Variants in MAN1A2 observed in about 807,000 individuals in gnomAD.
MAN1A2 encodes mannosidase alpha class 1A member 2.
A neutral mutation model predicts 75.7 loss-of-function variants in MAN1A2; 26 were observed. The observed-to-expected ratio is 0.34, with a 90% CI of 0.25 to 0.48. The LOEUF (loss-of-function observed/expected upper bound fraction) is 0.48, where lower values mean the gene tolerates loss of function less well. Ranked by LOEUF, MAN1A2 falls within the 20% of genes least tolerant of loss-of-function variation. MAN1A2 has a pLI of 0.99. For missense variants in MAN1A2, 562 were observed against 775.5 expected, an observed-to-expected ratio of 0.72 and a Z score of 3.27; for synonymous variants, 247 against 264.6, an observed-to-expected ratio of 0.93 and a Z score of 0.65.
chr1:117,512,750 TACACACACAC>T (rs3050979), intron 12 of MAN1A2, among the ~76,000 whole-genome samples: 26 of 143,854 alleles, frequency 1.8e-4, no homozygotes, highest in East Asian at 8.3e-4. Flanking sequence ...GGCACTGGGA[TACACACACAC>T]ACACACACAC....
chr1:117,465,827 C>T (rs1482543318), intron 7 of MAN1A2, among the ~76,000 whole-genome samples: 3 of 152,044 alleles, frequency 2.0e-5, no homozygotes, highest in Non-Finnish European at 4.4e-5. Context: ...ATTTCAGGAA[C>T]TTAAAGATAT....
At chr1:117,468,179 A>G (rs1650037288) in intron 8 of MAN1A2, among the ~76,000 whole-genome samples, 1 of 152,112 alleles carries the variant, frequency 6.6e-6, no homozygotes, top group African/African-American at 2.4e-5. Flanking sequence ...GGAAGCAAAC[A>G]CATCCTTCTT....
chr1:117,393,965 T>C (rs1042873127), intron 1 of MAN1A2, among the ~76,000 whole-genome samples: 2 of 152,202 alleles, frequency 1.3e-5, no homozygotes, highest in African/African-American at 4.8e-5. Context: ...AAATTATGTT[T>C]ACTGAGTACC....
chr1:117,477,450 G>A (rs1262207967), intron 8 of MAN1A2, among the ~76,000 whole-genome samples: 3 of 151,838 alleles, frequency 2.0e-5, no homozygotes, highest in Admixed American at 6.6e-5. Context: ...TGATCAAGTC[G>A]GCTTCATCCT....
intron 1 of MAN1A2, among the ~76,000 whole-genome samples, chr1:117,384,572 G>A (rs941991048): frequency 6.6e-6 from 1 of 152,074 alleles, no homozygotes; most frequent in African/African-American, 2.4e-5. Flanking sequence ...TGTCTGTTCT[G>A]CTGTTACTGG....
At position 117,526,723 on chromosome 1, in the gene MAN1A2, A is replaced by G. The variant is rs1652029322; in HGVS notation, c.*3766A>G. On this transcript the variant is annotated 3_prime_UTR_variant, in exon 13 of 13. Coordinates refer to ENST00000356554, the MANE Select transcript of MAN1A2 (RefSeq NM_006699.5). ...CCTATTAATAGTCCCATGCTGTTAA[A>G]TATAAAGAAAAATATACTAAAATAT... 6.6e-6 allele frequency: 1 copy of G among 151,086 alleles called. No homozygotes were observed. Among genetic ancestry groups the G allele is most frequent in the African/African-American group, 2.4e-5 (1 of 41,284 alleles). The allele number at this position is 151,086 out of a possible 1,614,324, so 9.4% of individuals were successfully genotyped here. A position where few individuals can be genotyped will look rare whatever the true frequency, so the allele number is the denominator to read the frequency against.
At position 117,528,066 on chromosome 1, in the gene MAN1A2, T is replaced by C. The variant is rs187106636; in HGVS notation, c.*5109T>C. On this transcript the variant is annotated 3_prime_UTR_variant, in exon 13 of 13. Transcript: ENST00000356554. Reference sequence around the variant, plus strand: ...ACAAGTAAGTAGCATTATTTCAGAATGTCTATATGCATCATTTTCAACTAA... The same window carrying C: ...ACAAGTAAGTAGCATTATTTCAGAACGTCTATATGCATCATTTTCAACTAA... The C allele has an allele frequency of 6.6e-6, 1 of 152,056 alleles. No homozygotes were observed. Among genetic ancestry groups the C allele is most frequent in the South Asian group, 2.1e-4 (1 of 4,824 alleles). The allele number at this position is 152,056 out of a possible 1,614,324, so 9.4% of individuals were successfully genotyped here.
chr1:117,449,376 T>C (rs1238393223), intron 6 of MAN1A2, among the ~76,000 whole-genome samples: 6 of 151,752 alleles, frequency 4.0e-5, no homozygotes, highest in Non-Finnish European at 8.8e-5. Context: ...CTGGGCAACA[T>C]AGTGAGACCC....
At chr1:117,483,208 T>A (rs1650557126) in intron 8 of MAN1A2, among the ~76,000 whole-genome samples, 1 of 152,110 alleles carries the variant, frequency 6.6e-6, no homozygotes, top group African/African-American at 2.4e-5. Context: ...CTTAGGATTG[T>A]CTTGGCAATG....
intron 7 of MAN1A2, among the ~76,000 whole-genome samples, chr1:117,461,460 A>G (rs866284061): frequency 6.6e-6 from 1 of 152,196 alleles, no homozygotes. Flanking sequence ...GTACAGTTAC[A>G]TAGAATGAAT....
intron 12 of MAN1A2, among the ~76,000 whole-genome samples, chr1:117,513,770 G>C (rs931145144): frequency 3.9e-5 from 6 of 152,058 alleles, no homozygotes; most frequent in Non-Finnish European, 8.8e-5. Context: ...GGTAAATATT[G>C]TTGCCTGCAG....
At chr1:117,415,427 C>G (rs935904464) in intron 4 of MAN1A2, among the ~76,000 whole-genome samples, 1 of 152,074 alleles carries the variant, frequency 6.6e-6, no homozygotes, top group African/African-American at 2.4e-5. Context: ...CACTACTTCT[C>G]TATGTACTTC....
chr1:117,515,278 G>A (rs1320568332), intron 12 of MAN1A2: 1 of 155,424 alleles, frequency 6.4e-6, no homozygotes, highest in Non-Finnish European at 1.4e-5. Context: ...AAGTATGTGG[G>A]AGCATATGCA....
chr1:117,450,504 A>G (rs1325397554), intron 6 of MAN1A2, among the ~76,000 whole-genome samples: 2 of 152,224 alleles, frequency 1.3e-5, no homozygotes, highest in African/African-American at 2.4e-5. Flanking sequence ...TGCATAAGTA[A>G]CAGGGAGCTG....
chr1:117,523,247 T>G lies in MAN1A2; in HGVS notation c.*290T>G. The stretch of plus-strand genomic sequence containing the variant: ...ATACCTGTTACTACTGTATTGTTTT[T>G]AGAGTCCTGAAGTCTGGAGGCTAGA... On this transcript the variant is annotated 3_prime_UTR_variant, in exon 13 of 13. Coordinates refer to ENST00000356554, the MANE Select transcript of MAN1A2 (RefSeq NM_006699.5). 3.7e-6 allele frequency: 2 copies of G among 535,412 alleles called. No individual in the cohort carries two copies. Among genetic ancestry groups the G allele is most frequent in the South Asian group, 3.1e-5 (2 of 65,124 alleles). The allele number at this position is 535,412 out of a possible 1,614,324, so 33.2% of individuals were successfully genotyped here.
rs571970438 is a variant in MAN1A2, at chr1:117,381,530, G to A, written c.302+13045G>A. On this transcript the variant is annotated intron_variant, in intron 1 of 12. Transcript: ENST00000356554. ...GGACATGAACTCATCATTTTTTATG[G>A]CTGCATAGTATTCCATGGTGTATAT... Among the ~76,000 whole-genome samples the A allele has an allele frequency of 7.1e-4, 108 of 152,050 alleles. 1 individual carries two copies. The highest frequency in any genetic ancestry group is 2.6e-3 in the African/African-American group (107 of 41,484).
chr1:117,464,559 A>G (rs1296874629), intron 7 of MAN1A2, among the ~76,000 whole-genome samples: 1 of 152,088 alleles, frequency 6.6e-6, no homozygotes, highest in African/African-American at 2.4e-5. Flanking sequence ...TCTAAATTAG[A>G]TGGTGTAACT....
At chr1:117,485,430 A>C (rs1310553702) in intron 8 of MAN1A2, among the ~76,000 whole-genome samples, 1 of 151,988 alleles carries the variant, frequency 6.6e-6, no homozygotes, top group Admixed American at 6.6e-5. Flanking sequence ...GCATAAACTC[A>C]TAATAATAAA....
intron 1 of MAN1A2, among the ~76,000 whole-genome samples, chr1:117,381,808 T>TA (rs1653350603): frequency 1.3e-5 from 2 of 152,138 alleles, no homozygotes; most frequent in South Asian, 2.1e-4. Flanking sequence ...ACCAACAGTG[T>TA]AAAAGTATTC....
Sources: gnomAD v4.1 joint callset for allele counts (sites outside exome capture counted in the v4.1 genomes callset) on GRCh38, gnomAD v4.1.1 for gene constraint, MANE v1.5 for transcripts, NCBI Gene and HGNC (gene_info 2026-07-23, HGNC 2026-07-21) for gene names.